FCHSD2: variants seen among roughly 807,000 people sequenced by gnomAD.
FCHSD2 encodes F-BAR and double SH3 domains protein 2.
In FCHSD2, 38 loss-of-function variants were observed where a neutral mutation model predicts 108.1. That is an observed-to-expected ratio of 0.35 (90% confidence interval 0.27 to 0.46). The LOEUF (loss-of-function observed/expected upper bound fraction) is 0.46. Among genes scored for constraint, FCHSD2 ranks in the 20% least tolerant of loss-of-function variants. The probability of loss-of-function intolerance (pLI) is 1.00; values close to 1 mark genes in which losing one functional copy is unlikely to be tolerated. For missense variants in FCHSD2, 751 were observed against 897.8 expected (o/e 0.84, Z 2.09); for synonymous variants, 279 against 314.7 (o/e 0.89, Z 1.20).
intron 3 of FCHSD2, among the ~76,000 whole-genome samples, chr11:73,069,144 C>T (rs1352095500): frequency 1.4e-5 from 2 of 147,220 alleles, no homozygotes; most frequent in East Asian, 4.1e-4. Context: ...AACCCCATCT[C>T]TACTAAAAGT....
At chr11:72,922,051 T>A (rs1286637617) in intron 8 of FCHSD2, 101 bp from the exon 9 acceptor site, 2 of 704,660 alleles carry the variant, frequency 2.8e-6, no homozygotes, top group South Asian at 4.0e-5. Context: ...GTTTAAAATT[T>A]ATTATTAATA....
chr11:73,118,200 T>C lies in FCHSD2; in HGVS notation c.119+21831A>G, dbSNP rs186543732. ...AGGGTATGGTGGCAGGTGCATATAA[T>C]CCCAGCAACTTGGGAGGCTGAGGCA... On this transcript the variant is annotated intron_variant, in intron 2 of 19. Transcript: ENST00000409418. 1.4e-3 allele frequency among the ~76,000 whole-genome samples: 217 copies of C among 152,172 alleles called. 2 individuals are homozygous for C. The highest frequency in any genetic ancestry group is 9.9e-4 in the Non-Finnish European group (67 of 68,010).
chr11:73,035,206 G>A (rs562393211), intron 3 of FCHSD2, among the ~76,000 whole-genome samples: 3 of 46,128 alleles, frequency 6.5e-5, no homozygotes, highest in East Asian at 6.6e-4. Flanking sequence ...ATGTATGTAC[G>A]TACTAAGACA....
intron 2 of FCHSD2, among the ~76,000 whole-genome samples, chr11:73,092,081 C>T (rs757884609): frequency 6.6e-6 from 1 of 152,124 alleles, no homozygotes; most frequent in Non-Finnish European, 1.5e-5. Flanking sequence ...TCTGAGAAGC[C>T]TTCCTGAATT....
chr11:72,895,750 C>T (rs117024108), intron 10 of FCHSD2, among the ~76,000 whole-genome samples: 406 of 152,288 alleles, frequency 2.7e-3, no homozygotes, highest in Non-Finnish European at 4.7e-3. Flanking sequence ...GTCAGTATTG[C>T]TAATTCTAAA....
chr11:72,863,966 C>A (rs1565294348), intron 13 of FCHSD2, among the ~76,000 whole-genome samples: 1 of 152,200 alleles, frequency 6.6e-6, no homozygotes, highest in Non-Finnish European at 1.5e-5. Flanking sequence ...TATGACCCAG[C>A]CAAAGCATAT....
intron 8 of FCHSD2, among the ~76,000 whole-genome samples, chr11:72,947,175 T>C (rs1181158378): frequency 1.3e-5 from 2 of 152,224 alleles, no homozygotes; most frequent in Non-Finnish European, 2.9e-5. Flanking sequence ...CCAATATATC[T>C]TATTTCTTAG....
At chr11:72,983,517 G>A (rs1248418176) in intron 8 of FCHSD2, among the ~76,000 whole-genome samples, 1 of 152,002 alleles carries the variant, frequency 6.6e-6, no homozygotes, top group East Asian at 1.9e-4. Flanking sequence ...AGACATAGTT[G>A]TGGCCAAAAT....
intron 2 of FCHSD2, among the ~76,000 whole-genome samples, chr11:73,131,361 CAAAA>C (rs55755311): frequency 9.9e-6 from 1 of 101,238 alleles, no homozygotes; most frequent in Non-Finnish European, 2.0e-5. Context: ...ACTAAAAGTA[CAAAA>C]AAAAAAAAAA....
Position 73,142,018 on chromosome 11 carries a change from G to C in FCHSD2, c.-141C>G, listed in dbSNP as rs577487802. ...CTTAAGAAGCAAGACTTGCCCCGGA[G>C]GGAGCAGGCCAGCGGGCGGCAGGCG... On this transcript the variant is annotated 5_prime_UTR_variant, in exon 1 of 20. Coordinates refer to ENST00000409418, the MANE Select transcript of FCHSD2 (RefSeq NM_014824.3). The C allele has an allele frequency of 1.3e-6, 1 of 790,650 alleles. No individual in the cohort carries two copies. Among genetic ancestry groups the C allele is most frequent in the African/African-American group, 1.8e-5 (1 of 57,054 alleles). The allele number at this position is 790,650 out of a possible 1,614,324, so 49.0% of individuals were successfully genotyped here.
chr11:73,128,572 A>ACAGAC (rs1249560331), intron 2 of FCHSD2, among the ~76,000 whole-genome samples: 1 of 152,208 alleles, frequency 6.6e-6, no homozygotes, highest in Non-Finnish European at 1.5e-5. Context: ...AAGGAAGGAA[A>ACAGAC]CAGAGATGGG....
intron 2 of FCHSD2, among the ~76,000 whole-genome samples, chr11:73,129,162 C>A (rs903375539): frequency 3.3e-5 from 5 of 152,000 alleles, no homozygotes; most frequent in Non-Finnish European, 7.4e-5. Context: ...TGAGCCACCG[C>A]GCCTGGCCAG....
intron 3 of FCHSD2, among the ~76,000 whole-genome samples, chr11:73,031,962 T>C (rs1858371310): frequency 6.6e-6 from 1 of 152,208 alleles, no homozygotes; most frequent in Non-Finnish European, 1.5e-5. Flanking sequence ...CAGGGATTAA[T>C]TTAAAAAATT....
At chr11:73,057,910 C>T (rs1342947866) in intron 3 of FCHSD2, among the ~76,000 whole-genome samples, 104 of 149,230 alleles carry the variant, frequency 7.0e-4, no homozygotes, top group Non-Finnish European at 4.9e-4. Context: ...GACAGAGTCT[C>T]GCTCTGTCGC....
chr11:72,924,929 A>G (rs1307723846), intron 8 of FCHSD2, among the ~76,000 whole-genome samples: 1 of 152,140 alleles, frequency 6.6e-6, no homozygotes, highest in Non-Finnish European at 1.5e-5. Flanking sequence ...AGAAACATAT[A>G]ACATCTTCTG....
At chr11:73,127,350 A>G (rs918132150) in intron 2 of FCHSD2, among the ~76,000 whole-genome samples, 1 of 152,330 alleles carries the variant, frequency 6.6e-6, no homozygotes, top group Non-Finnish European at 1.5e-5. Context: ...GACCTAACAA[A>G]ATGAAATTAA....
At chr11:72,986,907 T>C (rs1857322566) in intron 6 of FCHSD2, among the ~76,000 whole-genome samples, 2 of 152,278 alleles carry the variant, frequency 1.3e-5, no homozygotes, top group Non-Finnish European at 2.9e-5. Context: ...AAAATTAATG[T>C]TCCTTGGGGT....
chr11:72,878,400 A>G (rs1466594367), intron 12 of FCHSD2, among the ~76,000 whole-genome samples: 1 of 152,260 alleles, frequency 6.6e-6, no homozygotes, highest in Admixed American at 6.5e-5. Flanking sequence ...AAGATAAAAA[A>G]GAAAATGACA....
chr11:72,988,294 C>T (rs1372868528), intron 6 of FCHSD2, among the ~76,000 whole-genome samples: 1 of 152,120 alleles, frequency 6.6e-6, no homozygotes, highest in Non-Finnish European at 1.5e-5. Context: ...TTTTATCTTT[C>T]CTCAAATTGT....
Sources: gnomAD v4.1 joint callset for allele counts (sites outside exome capture counted in the v4.1 genomes callset) on GRCh38, gnomAD v4.1.1 for gene constraint, MANE v1.5 for transcripts, NCBI Gene and HGNC (gene_info 2026-07-23, HGNC 2026-07-21) for gene names.